Variants in NTM observed in about 807,000 individuals in gnomAD.
NTM encodes the protein IgLON family member 2.
A neutral mutation model predicts 42.1 loss-of-function variants in NTM; 13 were observed. The ratio of observed to expected loss-of-function variants is 0.31; its 90% CI spans 0.20 to 0.49. NTM has a LOEUF of 0.49. Ranked by LOEUF, NTM falls within the 20% of genes least tolerant of loss-of-function variation. NTM has a pLI of 0.99. For synonymous variants in NTM, 187 were observed against 179.2 expected (o/e 1.04, Z -0.35); for missense variants, 373 against 452.8 (o/e 0.82, Z 1.60).
At chr11:132,305,055 A>G (rs2140156619) in intron 4 of NTM, among the ~76,000 whole-genome samples, 1 of 152,336 alleles carries the variant, frequency 6.6e-6, no homozygotes, top group African/African-American at 2.4e-5. Context: ...TTAATGTGGC[A>G]CCCATGTCCC....
At chr11:131,987,001 G>A (rs748287490) in intron 2 of NTM, among the ~76,000 whole-genome samples, 19 of 152,146 alleles carry the variant, frequency 1.2e-4, no homozygotes, top group Non-Finnish European at 2.6e-4. Context: ...GGGGAAAGAA[G>A]GGAGAAATGG....
chr11:132,077,424 A>G (rs73030401), intron 2 of NTM, among the ~76,000 whole-genome samples: 1,764 of 152,336 alleles, frequency 0.012, 20 homozygotes, highest in Non-Finnish European at 0.019. Flanking sequence ...GGAAAGGGCA[A>G]GAGGGAAAAT....
chr11:131,390,277 C>A (rs565221511), intron 1 of NTM, among the ~76,000 whole-genome samples: 12 of 152,218 alleles, frequency 7.9e-5, no homozygotes, highest in African/African-American at 2.9e-4. Context: ...GAATCCATTA[C>A]TTTGAGGAGG....
chr11:131,693,146 A>G (rs941182915), intron 1 of NTM, among the ~76,000 whole-genome samples: 1 of 152,132 alleles, frequency 6.6e-6, no homozygotes, highest in Non-Finnish European at 1.5e-5. Context: ...GGGTCAGGGC[A>G]GAGGTGGGCT....
At chr11:131,375,284 G>A (rs1483195246) in intron 1 of NTM, among the ~76,000 whole-genome samples, 1 of 152,238 alleles carries the variant, frequency 6.6e-6, no homozygotes, top group East Asian at 1.9e-4. Context: ...AACATGTGGT[G>A]CTAAGTGGAA....
intron 1 of NTM, among the ~76,000 whole-genome samples, chr11:131,718,681 T>A (rs577163485): frequency 1.3e-5 from 2 of 152,100 alleles, no homozygotes; most frequent in African/African-American, 4.8e-5. Context: ...CCTCTGCAGA[T>A]CTCAGGAGTT....
intron 2 of NTM, among the ~76,000 whole-genome samples, chr11:132,126,696 G>T (rs2065896488): frequency 6.6e-6 from 1 of 152,178 alleles, no homozygotes; most frequent in Non-Finnish European, 1.5e-5. Context: ...ATGGAAATGC[G>T]GAAGGAGAAA....
chr11:132,249,736 G>A (rs954391225), intron 4 of NTM, among the ~76,000 whole-genome samples: 1 of 152,218 alleles, frequency 6.6e-6, no homozygotes, highest in South Asian at 2.1e-4. Context: ...CTGATGTGGT[G>A]AAGGTCATGG....
intron 1 of NTM, among the ~76,000 whole-genome samples, chr11:131,734,531 G>A (rs1265124313): frequency 6.6e-6 from 1 of 152,094 alleles, no homozygotes; most frequent in African/African-American, 2.4e-5. Flanking sequence ...CACAGCCCCT[G>A]CCGAGAGGGG....
intron 3 of NTM, among the ~76,000 whole-genome samples, chr11:132,152,386 C>T (rs1180915669): frequency 6.6e-6 from 1 of 152,066 alleles, no homozygotes; most frequent in African/African-American, 2.4e-5. Flanking sequence ...TGTCAGTAGC[C>T]CTGTGTGACA....
At position 132,335,298 on chromosome 11, in the gene NTM, C is replaced by A; in HGVS notation, c.*152C>A. 8.9e-6 allele frequency: 7 copies of A among 787,120 alleles called. No homozygotes were observed. Among genetic ancestry groups the A allele is most frequent in the Middle Eastern group, 2.3e-4 (1 of 4,262 alleles). 48.8% of individuals were successfully genotyped at this position (787,120 alleles called of 1,614,324 possible). On this transcript the variant is annotated 3_prime_UTR_variant, in exon 9 of 9. Coordinates refer to ENST00000683400, the MANE Select transcript of NTM (RefSeq NM_001352005.2). ...GGGACAGAAATTTGAGGGAGGGGAA[C>A]AAAGAATACTTTGGGGGGAAAAAAG...
At chr11:131,801,630 T>G (rs2136231661) in intron 1 of NTM, among the ~76,000 whole-genome samples, 1 of 152,272 alleles carries the variant, frequency 6.6e-6, no homozygotes, top group Middle Eastern at 3.4e-3. Flanking sequence ...CTTTTTTTCT[T>G]GCACATTTTT....
At chr11:131,758,517 T>C (rs2083644001) in intron 1 of NTM, among the ~76,000 whole-genome samples, 1 of 151,998 alleles carries the variant, frequency 6.6e-6, no homozygotes, top group African/African-American at 2.4e-5. Context: ...ATACTTACAG[T>C]TTTCTGCCTA....
Position 131,628,225 on chromosome 11 carries a change from C to A in NTM, c.82+257337C>A, listed in dbSNP as rs150736829. Among the ~76,000 whole-genome samples, 33 of 152,342 alleles carry A rather than the reference C, an allele frequency of 2.2e-4. No individual in the cohort carries two copies. The East Asian group carries it at 6.4e-3, about 29-fold the overall frequency. On this transcript the variant is annotated intron_variant, in intron 1 of 8. Transcript: ENST00000683400. ...CCCACACTCCACACACTCTGCAAAGCATCAGACTTATTCACAGATCTTTCA... is the reference window on the plus strand; with the variant it reads ...CCCACACTCCACACACTCTGCAAAGAATCAGACTTATTCACAGATCTTTCA...
At chr11:131,966,786 G>A (rs2062890072) in intron 2 of NTM, among the ~76,000 whole-genome samples, 1 of 152,144 alleles carries the variant, frequency 6.6e-6, no homozygotes, top group South Asian at 2.1e-4. Flanking sequence ...GCAGGGTAGG[G>A]GTAGAATGGA....
chr11:132,071,630 C>T (rs12295500), intron 2 of NTM, among the ~76,000 whole-genome samples: 37,842 of 152,080 alleles, frequency 0.25, 5,020 homozygotes, highest in African/African-American at 0.31. Flanking sequence ...ATAAGCTAAA[C>T]TTCTAATGAA....
At chr11:132,068,780 A>G (rs568618959) in intron 2 of NTM, among the ~76,000 whole-genome samples, 5 of 152,344 alleles carry the variant, frequency 3.3e-5, no homozygotes, top group Admixed American at 2.6e-4. Context: ...AAAGCAGGCC[A>G]TCAGGAATGG....
chr11:131,944,619 G>T (rs1031194041), intron 2 of NTM, among the ~76,000 whole-genome samples: 10 of 152,178 alleles, frequency 6.6e-5, no homozygotes, highest in Admixed American at 5.2e-4. Context: ...CATCTGAATT[G>T]CAACATGCAC....
intron 1 of NTM, among the ~76,000 whole-genome samples, chr11:131,511,527 T>C (rs970482234): frequency 6.6e-6 from 1 of 152,210 alleles, no homozygotes; most frequent in Admixed American, 6.5e-5. Context: ...AACTTCAATC[T>C]GAAGCCTAAG....
Sources: allele counts gnomAD v4.1 joint callset (sites outside exome capture counted in the v4.1 genomes callset), GRCh38; gene constraint gnomAD v4.1.1; transcripts MANE v1.5; gene names NCBI Gene and HGNC (gene_info 2026-07-23, HGNC 2026-07-21).